The following KNTC1 variants were observed in gnomAD, a reference collection of about 807,000 sequenced individuals.
KNTC1 encodes the protein kinetochore-associated protein 1.
A neutral mutation model predicts 314.4 loss-of-function variants in KNTC1; 253 were observed. The observed-to-expected ratio is 0.80, with a 90% CI of 0.73 to 0.89. The LOEUF (loss-of-function observed/expected upper bound fraction) is 0.89, where lower values mean the gene tolerates loss of function less well. KNTC1 is among the 40% of genes least tolerant of loss of function. The pLI is 0.00. For missense variants in KNTC1, 2,475 were observed against 2,572.9 expected (o/e 0.96, Z 0.82); for synonymous variants, 901 against 901.4 (o/e 1.00, Z 0.01).
At position 122,569,682 on chromosome 12, in the gene KNTC1, C is replaced by G. The variant is rs1162091500; in HGVS notation, c.1718C>G (p.Ala573Gly). ...AATTTCTCGCTCCTTATAATTTAGG[C>G]AAACTTTGAAAGCAGATTTGATGTG... ...CAQYLWLRHR[A>G]NFESRFDVKM... Residue 573 changes from alanine to glycine, a missense_variant and splice_region_variant, in exon 22 of 64, where the codon GCA becomes GGA. Ala to Gly is a moderately conservative substitution (Grantham distance 60). Transcript: ENST00000333479. 1 of 1,607,812 alleles carries G rather than the reference C, an allele frequency of 6.2e-7. No homozygotes were observed. Among genetic ancestry groups the G allele is most frequent in the South Asian group, 1.1e-5 (1 of 89,590 alleles).
chr12:122,586,910 G>A (rs1334675894), intron 38 of KNTC1, among the ~76,000 whole-genome samples, 153 bp downstream of exon 38: 51 of 152,156 alleles, frequency 3.4e-4, no homozygotes, highest in Admixed American at 3.3e-3. Flanking sequence ...CACCTCCCGG[G>A]CTCAAGCAGT....
chr12:122,570,839 T>G, intron 22 of KNTC1, 37 bp from the exon 23 acceptor site: 1 of 1,293,080 alleles, frequency 7.7e-7, no homozygotes, highest in Non-Finnish European at 1.1e-6. Context: ...TCAGTGATTA[T>G]CCATTAAGAA....
intron 23 of KNTC1, 42 bp downstream of exon 23, chr12:122,570,974 C>T (rs769691351): frequency 9.4e-6 from 15 of 1,594,032 alleles, no homozygotes; most frequent in Middle Eastern, 1.7e-4. Flanking sequence ...ATTTTGCACA[C>T]TCCCAACAGC....
chr12:122,619,170 A>G (rs1035158119), intron 59 of KNTC1, among the ~76,000 whole-genome samples: 1 of 131,908 alleles, frequency 7.6e-6, no homozygotes, highest in African/African-American at 2.8e-5. Context: ...CCATTCTCCC[A>G]CCTCAGCCTC....
intron 4 of KNTC1, 39 bp downstream of exon 4, chr12:122,538,493 TC>T: frequency 5.4e-6 from 6 of 1,110,932 alleles, no homozygotes; most frequent in Non-Finnish European, 7.8e-6. Flanking sequence ...TTATTTAAAT[TC>T]TAAATAATCT....
chr12:122,565,532 A>G (rs1964273808), intron 20 of KNTC1, among the ~76,000 whole-genome samples: 1 of 151,710 alleles, frequency 6.6e-6, no homozygotes. Flanking sequence ...TTTTTTACAA[A>G]AAATTCAGAA....
rs1208736505 is a variant in KNTC1 at position 122,602,854 on chromosome 12, C to T, written c.4851C>T (p.Phe1617=). 1 of 1,612,328 alleles carries T rather than the reference C, an allele frequency of 6.2e-7. No homozygotes were observed. Among genetic ancestry groups the T allele is most frequent in the African/African-American group, 1.3e-5 (1 of 74,998 alleles). Reference sequence around the variant, plus strand: ...CTACAGAACTCAGTGAAGAATCTTTCCCAACATTGCTCTTAATTTCGAAAT... The same window carrying T: ...CTACAGAACTCAGTGAAGAATCTTTTCCAACATTGCTCTTAATTTCGAAAT... ...ILSTELSEES[F]PTLLLISKLM... is the part of the protein sequence containing the mutation. The change falls in exon 47 of 64, where the codon TTC becomes TTT. Residue 1617 remains phenylalanine, a synonymous_variant. Coordinates refer to ENST00000333479, the MANE Select transcript of KNTC1 (RefSeq NM_014708.6).
chr12:122,529,259 A>G (rs1017176950), intron 1 of KNTC1, among the ~76,000 whole-genome samples: 2 of 152,206 alleles, frequency 1.3e-5, no homozygotes, highest in Non-Finnish European at 2.9e-5. Flanking sequence ...AATTGTTTCT[A>G]CCTTGTGCTA....
intron 57 of KNTC1, among the ~76,000 whole-genome samples, chr12:122,618,062 C>T (rs1033958937): frequency 1.3e-5 from 2 of 152,198 alleles, no homozygotes; most frequent in Admixed American, 1.3e-4. Context: ...ACCTCCGCCT[C>T]CCGGGTTCAA....
chr12:122,604,475 A>G (rs1388284056), intron 48 of KNTC1, 89 bp from the exon 49 acceptor site: 1 of 711,652 alleles, frequency 1.4e-6, no homozygotes, highest in African/African-American at 1.8e-5. Flanking sequence ...AATTTTTAAA[A>G]AGTTGCTAAT....
chr12:122,613,671 G>A lies in KNTC1; in HGVS notation c.5787G>A (p.Leu1929=). ...CITFLASFET[L]NIPITYELFC... Reference sequence around the variant, plus strand: ...CTTTTCTGGCATCATTTGAGACTTTGAATATCCCCATCACATATGAATTAT... The same window carrying A: ...CTTTTCTGGCATCATTTGAGACTTTAAATATCCCCATCACATATGAATTAT... The change falls in exon 55 of 64, where the codon TTG becomes TTA. Residue 1929 remains leucine, a synonymous_variant. Coordinates refer to ENST00000333479, the MANE Select transcript of KNTC1 (RefSeq NM_014708.6). 6.2e-7 allele frequency: 1 copy of A among 1,611,968 alleles called. No individual in the cohort carries two copies. Among genetic ancestry groups the A allele is most frequent in the East Asian group, 2.2e-5 (1 of 44,756 alleles).
chr12:122,576,965 C>T lies in KNTC1; in HGVS notation c.2657C>T (p.Ala886Val), dbSNP rs761083498. ...SLEDALKVAQ[A>V]FMLSDDEIYS... ...GAAGATGCTTTAAAGGTAGCCCAAG[C>T]GTTTATGTTATCTGATGATGAGATC... is the stretch of plus-strand genomic sequence containing the variant. Residue 886 changes from alanine (A) to valine (V), a missense_variant, in exon 30 of 64, where the codon GCG (alanine) becomes GTG (valine). By Grantham distance (64) the Ala-to-Val change is moderately conservative. Coordinates refer to ENST00000333479, the MANE Select transcript of KNTC1 (RefSeq NM_014708.6). 12 of 1,596,584 alleles carry T rather than the reference C, an allele frequency of 7.5e-6. No homozygotes were observed. Among genetic ancestry groups the T allele is most frequent in the East Asian group, 2.3e-5 (1 of 44,408 alleles).
At chr12:122,589,322 A>G (rs1437005987) in intron 40 of KNTC1, among the ~76,000 whole-genome samples, 1 of 151,874 alleles carries the variant, frequency 6.6e-6, no homozygotes, top group Non-Finnish European at 1.5e-5. Flanking sequence ...TTATTTTTTA[A>G]AAGATTCTAA....
intron 2 of KNTC1, among the ~76,000 whole-genome samples, chr12:122,533,859 ATG>A (rs1231261349): frequency 1.3e-5 from 2 of 150,840 alleles, no homozygotes; most frequent in East Asian, 3.8e-4. Context: ...AGCATATACT[ATG>A]TGCAGGGCTC....
chr12:122,617,197 C>T (rs952098959), intron 57 of KNTC1, among the ~76,000 whole-genome samples: 3 of 152,108 alleles, frequency 2.0e-5, no homozygotes, highest in Non-Finnish European at 4.4e-5. Flanking sequence ...TTTCACTGAA[C>T]ATGTTTTCAT....
In KNTC1 at chr12:122,574,298, G is replaced by A; in HGVS notation, c.2300G>A (p.Cys767Tyr). The part of the protein sequence containing the change: ...LLYIEDLLNR[C>Y]SSKSTSLFET... ...CCTTTTTAGGATTTACTGAATAGAT[G>A]CAGCTCAAAGTCCACATCACTCTTT... The change falls in exon 27 of 64, where the codon TGC (cysteine) becomes TAC (tyrosine). Residue 767 changes from cysteine (C) to tyrosine (Y), a missense_variant. Cys to Tyr is a radical substitution (Grantham distance 194). Coordinates refer to ENST00000333479, the MANE Select transcript of KNTC1 (RefSeq NM_014708.6). 1.2e-6 allele frequency: 2 copies of A among 1,604,334 alleles called. No individual in the cohort carries two copies. Among genetic ancestry groups the A allele is most frequent in the Non-Finnish European group, 1.7e-6 (2 of 1,174,004 alleles).
chr12:122,562,575 T>A (rs1275702643), intron 19 of KNTC1, 63 bp from the exon 20 acceptor site: 1 of 996,930 alleles, frequency 1.0e-6, no homozygotes, highest in Non-Finnish European at 1.6e-6. Flanking sequence ...TGATTCATTT[T>A]TAATGTTTTA....
Position 122,604,553 on chromosome 12 carries a change from A to T in KNTC1, c.5102-11A>T. ...TAAATCTTTATTTATTTATTTATTT[A>T]TTTATTTTAGGTTCCTTCAAGATAT... On this transcript the variant is annotated splice_polypyrimidine_tract_variant and intron_variant, in intron 48 of 63. Transcript: ENST00000333479. 1 of 1,314,140 alleles carries T rather than the reference A, an allele frequency of 7.6e-7. No individual in the cohort carries two copies. The allele number at this position is 1,314,140 out of a possible 1,614,324, so 81.4% of individuals were successfully genotyped here. A position where few individuals can be genotyped will look rare whatever the true frequency, so the allele number is the denominator to read the frequency against.
intron 53 of KNTC1, chr12:122,611,265 A>G (rs930983582): frequency 5.3e-6 from 1 of 188,970 alleles, no homozygotes; most frequent in Non-Finnish European, 1.1e-5. Context: ...TGGTCAGACC[A>G]CCCCTTCTGC....
Sources: gnomAD v4.1 joint callset for allele counts (sites outside exome capture counted in the v4.1 genomes callset) on GRCh38, gnomAD v4.1.1 for gene constraint, MANE v1.5 for transcripts, NCBI Gene and HGNC (gene_info 2026-07-23, HGNC 2026-07-21) for gene names.